Variants in INTS7 observed in about 807,000 individuals in gnomAD.
The protein encoded by INTS7 is integrator complex subunit 7, also known as chromosome 1 open reading frame 73.
In INTS7, 46 loss-of-function variants were observed where a neutral mutation model predicts 109.2. The ratio of observed to expected loss-of-function variants is 0.42; its 90% CI spans 0.33 to 0.54. INTS7 has a LOEUF of 0.54. Among genes scored for constraint, INTS7 ranks in the 20% least tolerant of loss-of-function variants. The probability of loss-of-function intolerance (pLI) is 0.07; values close to 1 mark genes in which losing one functional copy is unlikely to be tolerated. For missense variants in INTS7, 929 were observed against 1,132.4 expected, an observed-to-expected ratio of 0.82 and a Z score of 2.58; for synonymous variants, 412 against 402.9, an observed-to-expected ratio of 1.02 and a Z score of -0.27.
At chr1:212,027,270 G>T (rs1026852398) in intron 1 of INTS7, among the ~76,000 whole-genome samples, 4 of 152,190 alleles carry the variant, frequency 2.6e-5, no homozygotes, top group Non-Finnish European at 5.9e-5. Context: ...GGCCAATTTT[G>T]TAAGCACTGG....
chr1:211,975,605 C>T (rs970009884), intron 12 of INTS7, among the ~76,000 whole-genome samples: 1 of 152,042 alleles, frequency 6.6e-6, no homozygotes, highest in East Asian at 1.9e-4. Flanking sequence ...TAAAACAGTT[C>T]CGAAAGAGAA....
chr1:212,007,371 G>C lies in INTS7; in HGVS notation c.635C>G (p.Ser212Cys). The change falls in exon 6 of 20, where the codon TCC becomes TGC. Residue 212 changes from serine (S) to cysteine (C), a missense_variant. By Grantham distance (112) the Ser-to-Cys change is moderately radical. Around this residue, in one of 2 missense-constraint regions of INTS7, gnomAD observed 787 missense variants for 901.1 expected, o/e 0.87. Coordinates refer to ENST00000366994, the MANE Select transcript of INTS7 (RefSeq NM_015434.4). ...QHMHHDAILA[S>C]SARQLLQQLV... ...CTGTTGTAAAAGCTGACGAGCACTG[G>C]AAGCCAAGATTGCATCATGGTGCAT... 1 of 1,614,032 alleles carries C rather than the reference G, an allele frequency of 6.2e-7. No homozygotes were observed. Among genetic ancestry groups the C allele is most frequent in the Non-Finnish European group, 8.5e-7 (1 of 1,179,922 alleles).
intron 1 of INTS7, among the ~76,000 whole-genome samples, chr1:212,022,544 C>G (rs1013488107): frequency 1.3e-5 from 2 of 152,120 alleles, no homozygotes; most frequent in African/African-American, 4.8e-5. Flanking sequence ...AACAGATGCT[C>G]AACAGTGTCA....
At chr1:212,032,783 C>T (rs925792047) in intron 1 of INTS7, among the ~76,000 whole-genome samples, 1 of 152,128 alleles carries the variant, frequency 6.6e-6, no homozygotes, top group Admixed American at 6.5e-5. Context: ...CCGACTGACT[C>T]TGGTTATCTT....
rs1482524061 is a variant in INTS7 at position 211,941,584 on chromosome 1, C to T, written c.*240G>A. ...CTGTGTTAGCCAGGATGGTCTTGAT[C>T]TCCTCGTGAGCCGCCCACCTCAGCC... On this transcript the variant is annotated 3_prime_UTR_variant, in exon 20 of 20. Transcript: ENST00000366994. 32 of 519,868 alleles carry T rather than the reference C, an allele frequency of 6.2e-5. No homozygotes were observed. The highest frequency in any genetic ancestry group is 9.9e-5 in the Non-Finnish European group (29 of 294,014). 32.2% of individuals were successfully genotyped at this position (519,868 alleles called of 1,614,324 possible). A position where few individuals can be genotyped will look rare whatever the true frequency, so the allele number is the denominator to read the frequency against.
At position 211,978,260 on chromosome 1, in the gene INTS7, T is replaced by A. The variant is rs761010922; in HGVS notation, c.1470+12A>T. 1.4e-5 allele frequency: 22 copies of A among 1,613,730 alleles called. No homozygotes were observed. Among genetic ancestry groups the A allele is most frequent in the Non-Finnish European group, 1.8e-5 (21 of 1,179,742 alleles). The stretch of plus-strand genomic sequence containing the variant: ...CTAGTCATTCAAAGGAGATTCAAAA[T>A]GGGCTTTTTACCAGAAGTTCTTGTT... On this transcript the variant is annotated intron_variant, in intron 11 of 19. Transcript: ENST00000366994.
chr1:211,994,171 T>C (rs1174978831), intron 7 of INTS7, among the ~76,000 whole-genome samples: 1 of 152,118 alleles, frequency 6.6e-6, no homozygotes, highest in African/African-American at 2.4e-5. Context: ...CTCTTGGTAA[T>C]TGTAAAATAA....
At chr1:212,007,943 C>A (rs1351067376) in intron 5 of INTS7, among the ~76,000 whole-genome samples, 2 of 152,138 alleles carry the variant, frequency 1.3e-5, no homozygotes, top group Non-Finnish European at 2.9e-5. Flanking sequence ...TTATTGCATA[C>A]ACGACTGGAT....
rs1002459363 is a variant in INTS7, at chr1:211,942,841, G to A, written c.2602-730C>T. ...CTCTTACCTGTACCCAAGATGAAAC[G>A]TGTCAAGAGACAGATTTATCCTGAG... On this transcript the variant is annotated intron_variant, in intron 19 of 19. Coordinates refer to ENST00000366994, the MANE Select transcript of INTS7 (RefSeq NM_015434.4). The surrounding 1 kb of genome is among the most constrained non-coding windows in gnomAD (Gnocchi z 4.2). 6.6e-6 allele frequency among the ~76,000 whole-genome samples: 1 copy of A among 152,172 alleles called. No homozygotes were observed. Among genetic ancestry groups the A allele is most frequent in the South Asian group, 2.1e-4 (1 of 4,822 alleles).
intron 17 of INTS7, among the ~76,000 whole-genome samples, chr1:211,949,420 A>G (rs993077478): frequency 6.6e-6 from 1 of 152,202 alleles, no homozygotes; most frequent in Admixed American, 6.6e-5. Context: ...TAAAGGATCA[A>G]TCAGTTGTGT....
intron 4 of INTS7, among the ~76,000 whole-genome samples, chr1:212,011,952 T>A (rs1166021401): frequency 6.6e-6 from 1 of 152,248 alleles, no homozygotes; most frequent in East Asian, 1.9e-4. Context: ...AATAACATTT[T>A]AAAAATTCTT....
chr1:211,979,155 C>T (rs77202020), intron 10 of INTS7, among the ~76,000 whole-genome samples: 406 of 152,344 alleles, frequency 2.7e-3, no homozygotes, highest in African/African-American at 9.3e-3. Flanking sequence ...CCCACTTTTA[C>T]ATAGCTAACA....
intron 7 of INTS7, among the ~76,000 whole-genome samples, chr1:211,988,537 A>G (rs1418161821): frequency 1.3e-5 from 2 of 152,196 alleles, no homozygotes; most frequent in Non-Finnish European, 2.9e-5. Context: ...ACACTAGGGA[A>G]AAACTAAAGA....
intron 7 of INTS7, among the ~76,000 whole-genome samples, chr1:211,995,381 CTTTA>C (rs1282721440): frequency 6.6e-6 from 1 of 151,852 alleles, no homozygotes; most frequent in Admixed American, 6.5e-5. Flanking sequence ...TTTTTTCTTT[CTTTA>C]TTTTACCTGA....
chr1:211,947,697 A>G (rs902011127), intron 17 of INTS7, among the ~76,000 whole-genome samples: 3 of 152,206 alleles, frequency 2.0e-5, no homozygotes, highest in South Asian at 4.1e-4. Flanking sequence ...TGAGTCCTGT[A>G]AACAGTTGCA....
At chr1:211,982,612 A>G (rs759992897) in intron 9 of INTS7, 64 bp downstream of exon 9, 37 of 1,331,466 alleles carry the variant, frequency 2.8e-5, no homozygotes, top group Admixed American at 5.0e-5. Context: ...AAAAAAATCA[A>G]ACAGAATTCT....
intron 7 of INTS7, among the ~76,000 whole-genome samples, chr1:211,988,435 CAAAA>C (rs1664996900): frequency 6.9e-6 from 1 of 145,640 alleles, no homozygotes; most frequent in Admixed American, 6.8e-5. Context: ...AAAAAAAAAA[CAAAA>C]AAAGCACTAG....
Position 211,946,799 on chromosome 1 carries a change from A to C in INTS7, c.2317-94T>G. On this transcript the variant is annotated intron_variant, in intron 17 of 19. Transcript: ENST00000366994. The surrounding 1 kb of genome is among the most constrained non-coding windows in gnomAD (Gnocchi z 4.3). ...AGTATAAAACTACAAATGCCCATAT[A>C]GATTATTACAAAGGTACATACCAAT... 1.3e-6 allele frequency: 1 copy of C among 762,108 alleles called. No homozygotes were observed. Among genetic ancestry groups the C allele is most frequent in the South Asian group, 1.7e-5 (1 of 58,064 alleles). 47.2% of individuals were successfully genotyped at this position (762,108 alleles called of 1,614,324 possible).
intron 16 of INTS7, among the ~76,000 whole-genome samples, chr1:211,957,367 G>A (rs1663417696): frequency 6.6e-6 from 1 of 152,202 alleles, no homozygotes; most frequent in Non-Finnish European, 1.5e-5. Context: ...CCAATATGGT[G>A]AAACCCTGAC....
Sources: gnomAD v4.1 joint callset for allele counts (sites outside exome capture counted in the v4.1 genomes callset) on GRCh38, gnomAD v4.1.1 for gene constraint, gnomAD v4.1.1 regional missense constraint, Gnocchi (gnomAD v3.1) non-coding constraint, MANE v1.5 for transcripts, NCBI Gene and HGNC (gene_info 2026-07-23, HGNC 2026-07-21) for gene names.